Variants in ABCG1 observed in about 807,000 individuals in gnomAD.
The protein encoded by ABCG1 is ATP binding cassette subfamily G member 1, also known as ATP-binding cassette sub-family G member 1.
A neutral mutation model predicts 69.2 loss-of-function variants in ABCG1; 29 were observed. That is an observed-to-expected ratio of 0.42 (90% CI 0.31 to 0.57). The LOEUF (loss-of-function observed/expected upper bound fraction) is 0.57, where lower values mean the gene tolerates loss of function less well. Ranked by LOEUF, ABCG1 falls within the 20% of genes least tolerant of loss-of-function variation. The probability of loss-of-function intolerance (pLI) is 0.15; values close to 1 mark genes in which losing one functional copy is unlikely to be tolerated. For missense variants in ABCG1, 718 were observed against 898.1 expected (o/e 0.80, Z 2.56); for synonymous variants, 370 against 374.8 (o/e 0.99, Z 0.15).
At position 42,290,057 on chromosome 21, in the gene ABCG1, C is replaced by G. The variant is rs2069026014; in HGVS notation, c.1232C>G (p.Thr411Arg). 4 of 1,614,226 alleles carry G rather than the reference C, an allele frequency of 2.5e-6. No individual in the cohort carries two copies. The highest frequency in any genetic ancestry group is 3.4e-6 in the Non-Finnish European group (4 of 1,180,036). The change falls in exon 11 of 15, where the codon ACA (threonine) becomes AGA (arginine). Residue 411 changes from threonine (T) to arginine (R), a missense_variant. Physicochemically the swap from Thr to Arg is moderately conservative, Grantham distance 71. This residue lies in a region of ABCG1 where 514 missense variants were observed against 574.3 expected (regional missense o/e 0.90). Coordinates refer to ENST00000398449, the MANE Select transcript of ABCG1 (RefSeq NM_016818.3). ...FLSIMRDSVL[T>R]HLRITSHIGI... Reference sequence around the variant, plus strand: ...ATGCGGGTCTGTCCCCAGGTCCTGACACACCTGCGCATCACCTCGCACATT... The same window carrying G: ...ATGCGGGTCTGTCCCCAGGTCCTGAGACACCTGCGCATCACCTCGCACATT...
chr21:42,294,738 C>A, intron 14 of ABCG1, 78 bp downstream of exon 14: 1 of 1,283,908 alleles, frequency 7.8e-7, no homozygotes. Context: ...GTGAGGGGCT[C>A]ACAAAAGCCA....
At chr21:42,215,492 T>G (rs2067630163), upstream of ABCG1, among the ~76,000 whole-genome samples, 2 of 152,210 alleles carry the variant, frequency 1.3e-5, no homozygotes, top group Admixed American at 1.3e-4. Flanking sequence ...AACTGGGTGA[T>G]GCTGTTGGCT....
At chr21:42,213,717 G>T (rs1489815249), upstream of ABCG1, among the ~76,000 whole-genome samples, 1 of 152,270 alleles carries the variant, frequency 6.6e-6, no homozygotes, top group East Asian at 1.9e-4. Flanking sequence ...TGGGACCATG[G>T]AGTCAAAGAA....
chr21:42,273,489 C>CCA lies in ABCG1; in HGVS notation c.537+57_537+58dup. Reference sequence around the variant, plus strand: ...CGCCCCTGCCGCCTGTCCCCAGCGCCCACATTAGACACAGCACTGGCCGAG... The same window carrying CCA: ...CGCCCCTGCCGCCTGTCCCCAGCGCCCACACATTAGACACAGCACTGGCCGAG... On this transcript the variant is annotated intron_variant, in intron 4 of 14. Transcript: ENST00000398449. The surrounding 1 kb of genome is among the most constrained non-coding windows in gnomAD (Gnocchi z 5.3). 6 of 1,581,890 alleles carry CCA rather than the reference C, an allele frequency of 3.8e-6. No homozygotes were observed. The highest frequency in any genetic ancestry group is 5.2e-6 in the Non-Finnish European group (6 of 1,162,628).
At chr21:42,225,539 A>C in intron 1 of ABCG1, 132 bp from the exon 2 acceptor site, 1 of 1,164,232 alleles carries the variant, frequency 8.6e-7, no homozygotes, top group East Asian at 2.4e-5. Context: ...TCCTGGGGCC[A>C]AAGGTGCTCC....
intron 2 of ABCG1, chr21:42,259,847 G>C: frequency 7.2e-7 from 1 of 1,394,994 alleles, no homozygotes; most frequent in South Asian, 1.5e-5. Flanking sequence ...GAAAGGAAAA[G>C]AGCAGGGGAG....
intron 2 of ABCG1, among the ~76,000 whole-genome samples, chr21:42,243,447 C>CGCGT (rs1491513255): frequency 1.6e-4 from 13 of 81,512 alleles, no homozygotes; most frequent in African/African-American, 2.5e-4. Flanking sequence ...TGTGTGTGCG[C>CGCGT]GTGTGTGTGT....
chr21:42,223,151 A>T (rs2067757544), intron 1 of ABCG1, among the ~76,000 whole-genome samples: 1 of 152,110 alleles, frequency 6.6e-6, no homozygotes, highest in African/African-American at 2.4e-5. Flanking sequence ...CGACCCTACC[A>T]GCCCAAATCC....
At chr21:42,223,323 T>C (rs2067760606) in intron 1 of ABCG1, among the ~76,000 whole-genome samples, 1 of 152,204 alleles carries the variant, frequency 6.6e-6, no homozygotes, top group African/African-American at 2.4e-5. Context: ...CAGAAAGATT[T>C]CGTCCTGCGT....
Position 42,264,237 on chromosome 21 carries a change from G to C in ABCG1, c.287-6833G>C, listed in dbSNP as rs537460876. ...GGAATTCGGGATGTCTGCACAGGCTGTCTCTGAATCTCTAATGTTCTAAAA... is the reference window on the plus strand; with the variant it reads ...GGAATTCGGGATGTCTGCACAGGCTCTCTCTGAATCTCTAATGTTCTAAAA... On this transcript the variant is annotated intron_variant, in intron 2 of 14. Coordinates refer to ENST00000398449, the MANE Select transcript of ABCG1 (RefSeq NM_016818.3). Among the ~76,000 whole-genome samples, 6 of 152,354 alleles carry C rather than the reference G, an allele frequency of 3.9e-5. No homozygotes were observed. The South Asian group carries it at 1.2e-3, about 32-fold the overall frequency.
At chr21:42,214,693 G>C (rs1360854137), upstream of ABCG1, among the ~76,000 whole-genome samples, 1 of 152,206 alleles carries the variant, frequency 6.6e-6, no homozygotes, top group South Asian at 2.1e-4. Flanking sequence ...CTTACACTTG[G>C]GGCAGCATCT....
At position 42,273,486 on chromosome 21, in the gene ABCG1, C is replaced by G; in HGVS notation, c.537+51C>G. On this transcript the variant is annotated intron_variant, in intron 4 of 14. Transcript: ENST00000398449. This position sits in a 1 kb window ranked among gnomAD's most constrained non-coding sequence, Gnocchi z 5.3. ...CTCCGCCCCTGCCGCCTGTCCCCAG[C>G]GCCCACATTAGACACAGCACTGGCC... 1 of 1,585,956 alleles carries G rather than the reference C, an allele frequency of 6.3e-7. No homozygotes were observed. Among genetic ancestry groups the G allele is most frequent in the Non-Finnish European group, 8.6e-7 (1 of 1,165,072 alleles).
intron 2 of ABCG1, among the ~76,000 whole-genome samples, chr21:42,246,669 G>A (rs1165122483): frequency 6.6e-6 from 1 of 152,166 alleles, no homozygotes; most frequent in Non-Finnish European, 1.5e-5. Context: ...TTTAATGAGA[G>A]CACTTTTTTT....
chr21:42,297,165 C>T lies in ABCG1; in HGVS notation c.*773C>T, dbSNP rs1365311218. ...AGCTATACAAAAAATTGTGAGAAGA[C>T]ATTGGCCAACTCTTTCAAAGTCTTT... is the stretch of plus-strand genomic sequence containing the variant. On this transcript the variant is annotated 3_prime_UTR_variant, in exon 15 of 15. Coordinates refer to ENST00000398449, the MANE Select transcript of ABCG1 (RefSeq NM_016818.3). The T allele has an allele frequency of 6.6e-6, 1 of 152,220 alleles. No homozygotes were observed. Among genetic ancestry groups the T allele is most frequent in the Non-Finnish European group, 1.5e-5 (1 of 68,042 alleles). 9.4% of individuals were successfully genotyped at this position (152,220 alleles called of 1,614,324 possible).
Position 42,288,273 on chromosome 21 carries a change from C to T in ABCG1, c.1185C>T (p.Ile395=), listed in dbSNP as rs763028355. 5 of 1,613,738 alleles carry T rather than the reference C, an allele frequency of 3.1e-6. No homozygotes were observed. The South Asian group carries it at 5.5e-5, about 18-fold the overall frequency. Residue 395 remains isoleucine (I), a synonymous_variant, in exon 10 of 15, where the codon ATC becomes ATT. Transcript: ENST00000398449. This position sits in a 1 kb window ranked among gnomAD's most constrained non-coding sequence, Gnocchi z 4.8. ...CCAGCTGCCTCACGCAGTTCTGCAT[C>T]CTCTTCAAGAGGACCTTCCTCAGCA... ...FSASCLTQFC[I]LFKRTFLSIM...
At chr21:42,259,225 C>A in intron 2 of ABCG1, 3 of 1,442,170 alleles carry the variant, frequency 2.1e-6, no homozygotes, top group Non-Finnish European at 2.7e-6. Flanking sequence ...GGGCTCAGCT[C>A]CAAAGTTCTG....
chr21:42,216,982 A>G (rs2067648094), upstream of ABCG1, among the ~76,000 whole-genome samples: 1 of 152,202 alleles, frequency 6.6e-6, no homozygotes, highest in Non-Finnish European at 1.5e-5. Flanking sequence ...CCTGCAACAG[A>G]AAATCCAGCA....
At chr21:42,209,187 T>C (rs1296053221) in intron 2 of ABCG1, among the ~76,000 whole-genome samples, 1 of 152,194 alleles carries the variant, frequency 6.6e-6, no homozygotes, top group African/African-American at 2.4e-5. Context: ...GGGCTTGGCA[T>C]GGAGGAGCTG....
Position 42,287,976 on chromosome 21 carries a change from A to G in ABCG1, c.1061A>G (p.Lys354Arg), listed in dbSNP as rs774725294. The G allele has an allele frequency of 6.2e-7, 1 of 1,613,888 alleles. No homozygotes were observed. The highest frequency in any genetic ancestry group is 8.5e-7 in the Non-Finnish European group (1 of 1,179,830). The change falls in exon 9 of 15, where the codon AAG (lysine) becomes AGG (arginine). Residue 354 changes from lysine to arginine, a missense_variant. Physicochemically the swap from Lys to Arg is conservative, Grantham distance 26. Around this residue, in one of 2 missense-constraint regions of ABCG1, gnomAD observed 514 missense variants for 574.3 expected, o/e 0.90. Coordinates refer to ENST00000398449, the MANE Select transcript of ABCG1 (RefSeq NM_016818.3). This position sits in a 1 kb window ranked among gnomAD's most constrained non-coding sequence, Gnocchi z 6.2. ...VREGMCDSDH[K>R]RDLGGDAEVN... ...GAGGGCATGTGTGACTCAGACCACA[A>G]GAGAGACCTCGGGGGTGATGCCGAG... is the stretch of plus-strand genomic sequence containing the variant.
Sources: allele counts gnomAD v4.1 joint callset (sites outside exome capture counted in the v4.1 genomes callset), GRCh38; gene constraint gnomAD v4.1.1; regional missense constraint gnomAD v4.1.1; non-coding constraint Gnocchi (gnomAD v3.1); transcripts MANE v1.5; gene names NCBI Gene and HGNC (gene_info 2026-07-23, HGNC 2026-07-21).